SPPL3: variants seen among roughly 807,000 people sequenced by gnomAD.
The protein encoded by SPPL3 is signal peptide peptidase-like 3.
Under a neutral mutation model 42.4 loss-of-function variants are expected in SPPL3, and 5 were observed. The observed-to-expected ratio is 0.12, with a 90% CI of 0.06 to 0.25. SPPL3 has a LOEUF of 0.25. Ranked by LOEUF, SPPL3 falls within the 10% of genes least tolerant of loss-of-function variation. The pLI is 1.00. For synonymous variants in SPPL3, 195 were observed against 181.8 expected, an observed-to-expected ratio of 1.07 and a Z score of -0.58; for missense variants, 235 against 489.0, an observed-to-expected ratio of 0.48 and a Z score of 4.90.
intron 2 of SPPL3, among the ~76,000 whole-genome samples, chr12:120,806,111 A>C (rs969359710): frequency 5.3e-5 from 8 of 151,628 alleles, no homozygotes; most frequent in African/African-American, 1.9e-4. Context: ...CACTTACTTT[A>C]AACGCGACAA....
intron 1 of SPPL3, among the ~76,000 whole-genome samples, chr12:120,817,967 G>A (rs1870936249): frequency 6.6e-6 from 1 of 152,096 alleles, no homozygotes; most frequent in Admixed American, 6.6e-5. Flanking sequence ...GAGCAGACAG[G>A]GAAGAAAAGG....
intron 1 of SPPL3, among the ~76,000 whole-genome samples, chr12:120,818,876 A>G (rs1452338581): frequency 6.6e-6 from 1 of 152,244 alleles, no homozygotes; most frequent in East Asian, 1.9e-4. Context: ...ACATTTTTTA[A>G]AGGGCAAATA....
At chr12:120,795,876 C>T (rs1870079762) in intron 2 of SPPL3, among the ~76,000 whole-genome samples, 1 of 152,158 alleles carries the variant, frequency 6.6e-6, no homozygotes, top group African/African-American at 2.4e-5. Flanking sequence ...CTCTAATGTT[C>T]AATGATAGCT....
intron 1 of SPPL3, among the ~76,000 whole-genome samples, chr12:120,889,652 T>C (rs192322581): frequency 1.3e-5 from 2 of 152,314 alleles, no homozygotes; most frequent in African/African-American, 4.8e-5. Context: ...AATCTGTAGA[T>C]TCATAAGTAT....
At position 120,881,748 on chromosome 12, in the gene SPPL3, C is replaced by T. The variant is rs531417919; in HGVS notation, c.23+22097G>A. ...AAAAGGAAGAAAATTCTGACACACG[C>T]TAAATATAGATGAAGCTCGGGGGGC... On this transcript the variant is annotated intron_variant, in intron 1 of 10. Coordinates refer to ENST00000353487, the MANE Select transcript of SPPL3 (RefSeq NM_139015.5). 2.3e-4 allele frequency among the ~76,000 whole-genome samples: 35 copies of T among 150,324 alleles called. 1 individual carries two copies. The highest frequency in any genetic ancestry group is 3.4e-3 in the Middle Eastern group (1 of 292).
chr12:120,863,438 A>G (rs1004648275), intron 1 of SPPL3, among the ~76,000 whole-genome samples: 3 of 152,216 alleles, frequency 2.0e-5, no homozygotes, highest in African/African-American at 7.2e-5. Flanking sequence ...ATTTCTGCAA[A>G]TATCTTTAAT....
chr12:120,802,513 C>A (rs1870349251), intron 2 of SPPL3, among the ~76,000 whole-genome samples: 1 of 149,918 alleles, frequency 6.7e-6, no homozygotes, highest in South Asian at 2.1e-4. Flanking sequence ...CGGCTCACTG[C>A]AACCTCTGCC....
intron 1 of SPPL3, among the ~76,000 whole-genome samples, chr12:120,815,572 ACTACCCTCAAGGCAGATTAAATAT>A (rs1269971645): frequency 1.3e-5 from 2 of 151,970 alleles, no homozygotes; most frequent in African/African-American, 4.8e-5. Context: ...GCATATTGTC[ACTACCCTCAAGGCAGATTAAATAT>A]CTACACTTCC....
intron 1 of SPPL3, among the ~76,000 whole-genome samples, chr12:120,867,184 A>G (rs1353218721): frequency 6.6e-6 from 1 of 152,232 alleles, no homozygotes; most frequent in Non-Finnish European, 1.5e-5. Flanking sequence ...AAATAATTAC[A>G]TATCTAAATG....
intron 1 of SPPL3, among the ~76,000 whole-genome samples, chr12:120,896,928 T>C (rs548807377): frequency 6.9e-4 from 105 of 152,360 alleles, no homozygotes; most frequent in Middle Eastern, 3.4e-3. Flanking sequence ...ATTATACTTA[T>C]GGCGAACTGC....
At chr12:120,829,314 G>A (rs1291743122) in intron 1 of SPPL3, among the ~76,000 whole-genome samples, 1 of 152,156 alleles carries the variant, frequency 6.6e-6, no homozygotes, top group African/African-American at 2.4e-5. Context: ...GCTGCTCTTT[G>A]GCTGGGTACG....
At chr12:120,877,689 G>A (rs1174416765) in intron 1 of SPPL3, among the ~76,000 whole-genome samples, 1 of 151,858 alleles carries the variant, frequency 6.6e-6, no homozygotes, top group East Asian at 1.9e-4. Context: ...GCTGAGGCAG[G>A]AGAATCGCTT....
At chr12:120,849,942 C>T (rs929090213) in intron 1 of SPPL3, among the ~76,000 whole-genome samples, 2 of 152,146 alleles carry the variant, frequency 1.3e-5, no homozygotes, top group African/African-American at 2.4e-5. Context: ...GTAAAAATAA[C>T]CATTCCTAAC....
intron 3 of SPPL3, among the ~76,000 whole-genome samples, chr12:120,790,636 C>T (rs1046183516): frequency 6.6e-6 from 1 of 152,186 alleles, no homozygotes; most frequent in South Asian, 2.1e-4. Context: ...TGACCCATTG[C>T]TGCTCACCTG....
chr12:120,785,666 A>G (rs1869696461), intron 3 of SPPL3, among the ~76,000 whole-genome samples: 1 of 152,012 alleles, frequency 6.6e-6, no homozygotes. Flanking sequence ...ATGATCTATA[A>G]TAATGAAATA....
chr12:120,835,053 A>G (rs1213046537), intron 1 of SPPL3, among the ~76,000 whole-genome samples: 1 of 152,180 alleles, frequency 6.6e-6, no homozygotes, highest in Non-Finnish European at 1.5e-5. Flanking sequence ...TATGTTAATC[A>G]CCTTGGTATT....
intron 6 of SPPL3, among the ~76,000 whole-genome samples, chr12:120,771,115 G>T (rs1869104985): frequency 6.6e-6 from 1 of 152,276 alleles, no homozygotes; most frequent in South Asian, 2.1e-4. Flanking sequence ...CCCCTAACAA[G>T]TCTCTTCTTC....
intron 1 of SPPL3, among the ~76,000 whole-genome samples, chr12:120,884,215 A>G (rs1417882669): frequency 2.0e-5 from 3 of 152,164 alleles, no homozygotes; most frequent in Non-Finnish European, 2.9e-5. Flanking sequence ...GGACAGAGGC[A>G]TGAGGAAGGA....
Position 120,847,284 on chromosome 12 carries a change from TTTTATTTA to T in SPPL3, c.24-36406_24-36399del, listed in dbSNP as rs1028585470. ...AGGTGGAAACATGAATTCAGTTTAT[TTTTATTTA>T]TTTATTTATTTATTTTTTAAGACAG... is the stretch of plus-strand genomic sequence containing the variant. On this transcript the variant is annotated intron_variant, in intron 1 of 10. Coordinates refer to ENST00000353487, the MANE Select transcript of SPPL3 (RefSeq NM_139015.5). Among the ~76,000 whole-genome samples the T allele has an allele frequency of 3.9e-5, 6 of 152,132 alleles. No homozygotes were observed. In the East Asian group the frequency reaches 9.6e-4, roughly 24 times the overall value.
Sources: allele counts gnomAD v4.1 joint callset (sites outside exome capture counted in the v4.1 genomes callset), GRCh38; gene constraint gnomAD v4.1.1; transcripts MANE v1.5; gene names NCBI Gene and HGNC (gene_info 2026-07-23, HGNC 2026-07-21).